The following CAP2 variants were observed in gnomAD, a reference collection of about 807,000 sequenced individuals.
CAP2 encodes the protein adenylyl cyclase-associated protein 2.
CAP2 carries 24 observed loss-of-function variants against 57.7 expected under a neutral mutation model. That is an observed-to-expected ratio of 0.42 (90% confidence interval 0.30 to 0.58). The LOEUF is 0.58. Among genes scored for constraint, CAP2 ranks in the 20% least tolerant of loss-of-function variants. CAP2 has a pLI of 0.22. For synonymous variants in CAP2, 194 were observed against 207.2 expected (o/e 0.94, Z 0.55); for missense variants, 501 against 590.3 (o/e 0.85, Z 1.57).
intron 7 of CAP2, among the ~76,000 whole-genome samples, chr6:17,523,330 G>C (rs1191890834): frequency 6.6e-6 from 1 of 152,108 alleles, no homozygotes; most frequent in Non-Finnish European, 1.5e-5. Context: ...AGGAGGAGCT[G>C]GTAGAGAAGG....
intron 7 of CAP2, among the ~76,000 whole-genome samples, chr6:17,518,939 A>G (rs1762329745): frequency 6.6e-6 from 1 of 152,192 alleles, no homozygotes. Context: ...CATCCAGCCC[A>G]GAGGTTTTTC....
Position 17,551,523 on chromosome 6 carries a change from C to G in CAP2, c.1269C>G (p.Leu423=). ...INKTEGCHIY[L]SEDALDCEIV... ...AGACAGAAGGTTGCCACATATACCT[C>G]AGTGAAGATGCATTAGACTGTGAGA... is the stretch of plus-strand genomic sequence containing the variant. The change falls in exon 12 of 13, where the codon CTC becomes CTG. Residue 423 remains leucine (L), a synonymous_variant. Transcript: ENST00000229922. 1 of 1,609,542 alleles carries G rather than the reference C, an allele frequency of 6.2e-7. No individual in the cohort carries two copies.
intron 12 of CAP2, among the ~76,000 whole-genome samples, chr6:17,556,057 G>A (rs896218084): frequency 2.0e-5 from 3 of 152,188 alleles, no homozygotes; most frequent in African/African-American, 7.2e-5. Context: ...CTAGCTCATA[G>A]GGTTATTATA....
intron 4 of CAP2, among the ~76,000 whole-genome samples, chr6:17,496,368 A>C (rs1761669656): frequency 6.6e-6 from 1 of 152,178 alleles, no homozygotes; most frequent in Non-Finnish European, 1.5e-5. Context: ...GGGCCACCAA[A>C]AGAGGGGGCG....
intron 3 of CAP2, among the ~76,000 whole-genome samples, chr6:17,433,288 C>T (rs972481756): frequency 6.6e-6 from 1 of 152,206 alleles, no homozygotes; most frequent in Non-Finnish European, 1.5e-5. Context: ...AACATCTTCT[C>T]TTCTTGCTCT....
intron 3 of CAP2, among the ~76,000 whole-genome samples, chr6:17,427,015 A>C (rs1024932845): frequency 6.6e-6 from 1 of 152,210 alleles, no homozygotes; most frequent in Non-Finnish European, 1.5e-5. Context: ...AGGTAGTTTT[A>C]AGTACGAAAA....
At chr6:17,528,817 T>C (rs1762568609) in intron 7 of CAP2, among the ~76,000 whole-genome samples, 1 of 152,158 alleles carries the variant, frequency 6.6e-6, no homozygotes, top group South Asian at 2.1e-4. Flanking sequence ...TTAATAAACA[T>C]ATATTTAAAA....
At chr6:17,485,711 G>T (rs1761402863) in intron 4 of CAP2, among the ~76,000 whole-genome samples, 1 of 152,240 alleles carries the variant, frequency 6.6e-6, no homozygotes, top group African/African-American at 2.4e-5. Context: ...ATGCCAGCCA[G>T]GTCTTCCCCA....
In CAP2 at chr6:17,513,243, TATTAA is replaced by T. The variant is rs1354976678; in HGVS notation, c.531-600_531-596del. On this transcript the variant is annotated intron_variant, in intron 6 of 12. Coordinates refer to ENST00000229922, the MANE Select transcript of CAP2 (RefSeq NM_006366.3). The surrounding 1 kb of genome is among the most constrained non-coding windows in gnomAD (Gnocchi z 4.3). ...GCCTGGTTTGTATTGTCATTCAAAG[TATTAA>T]ATTAAGGGAATTTAAGTAAATGTCC... 2.0e-5 allele frequency among the ~76,000 whole-genome samples: 3 copies of T among 152,098 alleles called. No individual in the cohort carries two copies. Among genetic ancestry groups the T allele is most frequent in the East Asian group, 1.9e-4 (1 of 5,176 alleles).
Position 17,438,433 on chromosome 6 carries a change from G to GTTTTGTTTT in CAP2, c.222+11747_222+11748insGTTTTTTTT, listed in dbSNP as rs1554122624. 1.2e-3 allele frequency among the ~76,000 whole-genome samples: 72 copies of GTTTTGTTTT among 58,376 alleles called. 9 individuals are homozygous for GTTTTGTTTT. Among genetic ancestry groups the GTTTTGTTTT allele is most frequent in the African/African-American group, 5.1e-3 (51 of 9,986 alleles). The allele number at this position is 58,376 out of a possible 152,430, so 38.3% of individuals were successfully genotyped here. On this transcript the variant is annotated intron_variant, in intron 3 of 12. Coordinates refer to ENST00000229922, the MANE Select transcript of CAP2 (RefSeq NM_006366.3). ...TTTGCTTGTTTGACCATCCAGAAGT[G>GTTTTGTTTT]TTTTTTTTTTTTTTTTTTTTTTTGA...
chr6:17,497,268 G>A (rs1035884816), intron 4 of CAP2, among the ~76,000 whole-genome samples: 1 of 152,186 alleles, frequency 6.6e-6, no homozygotes, highest in African/African-American at 2.4e-5. Flanking sequence ...GCTCAAGTGA[G>A]ACCCTCTGCT....
chr6:17,493,574 G>A (rs1295360441), intron 4 of CAP2: 4 of 191,188 alleles, frequency 2.1e-5, no homozygotes, highest in Admixed American at 1.6e-4. Flanking sequence ...CTGATTGAGG[G>A]CCAGAAGCGC....
At chr6:17,458,914 GA>G (rs1185862591) in intron 3 of CAP2, among the ~76,000 whole-genome samples, 1 of 142,236 alleles carries the variant, frequency 7.0e-6, no homozygotes, top group Non-Finnish European at 1.5e-5. Context: ...AAGAATTAAA[GA>G]AAAACACCTC....
chr6:17,421,927 G>T (rs550334826), intron 2 of CAP2, among the ~76,000 whole-genome samples: 1 of 152,216 alleles, frequency 6.6e-6, no homozygotes, highest in South Asian at 2.1e-4. Flanking sequence ...CTATCACCCA[G>T]GCTGGAGTGC....
chr6:17,403,346 G>A (rs965447638), intron 1 of CAP2, among the ~76,000 whole-genome samples: 21 of 152,308 alleles, frequency 1.4e-4, no homozygotes, highest in South Asian at 6.2e-4. Context: ...CAGGTGATCC[G>A]CCTGCCTTGG....
At position 17,539,524 on chromosome 6, in the gene CAP2, C is replaced by T. The variant is rs905601218; in HGVS notation, c.826+66C>T. On this transcript the variant is annotated intron_variant, in intron 8 of 12. Coordinates refer to ENST00000229922, the MANE Select transcript of CAP2 (RefSeq NM_006366.3). Reference sequence around the variant, plus strand: ...CTCTGGCTCCCAGACACAAAAGAGCCGCTGGAGCCCCAGTGATGGATACAT... The same window carrying T: ...CTCTGGCTCCCAGACACAAAAGAGCTGCTGGAGCCCCAGTGATGGATACAT... 49 of 1,246,408 alleles carry T rather than the reference C, an allele frequency of 3.9e-5. No individual in the cohort carries two copies. The Middle Eastern group carries it at 5.8e-4, about 15-fold the overall frequency. The allele number at this position is 1,246,408 out of a possible 1,614,324, so 77.2% of individuals were successfully genotyped here.
intron 3 of CAP2, among the ~76,000 whole-genome samples, chr6:17,457,814 G>A (rs193014494): frequency 2.4e-4 from 37 of 152,336 alleles, no homozygotes; most frequent in Admixed American, 1.8e-3. Flanking sequence ...ACTAGAGAAA[G>A]TAAAAAGGCT....
In CAP2 at chr6:17,507,554, C is replaced by T. The variant is rs1362707957; in HGVS notation, c.445-87C>T. On this transcript the variant is annotated intron_variant, in intron 5 of 12. Coordinates refer to ENST00000229922, the MANE Select transcript of CAP2 (RefSeq NM_006366.3). ...TCCCACTTTCAAGTCCACGCGTCTC[C>T]ATTGCTTTTCTTCTTCTTTAAGGCA... The T allele has an allele frequency of 6.7e-6, 6 of 893,714 alleles. No individual in the cohort carries two copies. The Admixed American group carries it at 9.2e-5, about 14-fold the overall frequency. 55.4% of individuals were successfully genotyped at this position (893,714 alleles called of 1,614,324 possible).
intron 4 of CAP2, among the ~76,000 whole-genome samples, chr6:17,467,806 A>C (rs1245391182): frequency 6.6e-6 from 1 of 152,214 alleles, no homozygotes; most frequent in Non-Finnish European, 1.5e-5. Flanking sequence ...TACAGGCATG[A>C]GCCACAGCAC....
Sources: gnomAD v4.1 joint callset for allele counts (sites outside exome capture counted in the v4.1 genomes callset) on GRCh38, gnomAD v4.1.1 for gene constraint, Gnocchi (gnomAD v3.1) non-coding constraint, MANE v1.5 for transcripts, NCBI Gene and HGNC (gene_info 2026-07-23, HGNC 2026-07-21) for gene names.